The following ATP8A1 variants were observed in gnomAD, a reference collection of about 807,000 sequenced individuals.
ATP8A1 encodes ATPase phospholipid transporting 8A1, also known as phospholipid-transporting ATPase IA.
Under a neutral mutation model 177.7 loss-of-function variants are expected in ATP8A1, and 90 were observed. The ratio of observed to expected loss-of-function variants is 0.51; its 90% CI spans 0.43 to 0.60. The LOEUF is 0.60. Among genes scored for constraint, ATP8A1 ranks in the 20% least tolerant of loss-of-function variants. The pLI, the probability that ATP8A1 is intolerant of heterozygous loss-of-function variation, is 0.00. For missense variants in ATP8A1, 1,072 were observed against 1,392.8 expected (o/e 0.77, Z 3.67); for synonymous variants, 493 against 485.9 (o/e 1.01, Z -0.19).
Position 42,625,513 on chromosome 4 carries a change from A to G in ATP8A1, c.264+101T>C, listed in dbSNP as rs576191136. 22 of 700,348 alleles carry G rather than the reference A, an allele frequency of 3.1e-5. No homozygotes were observed. In the Middle Eastern group the frequency reaches 7.5e-4, roughly 24 times the overall value. The allele number at this position is 700,348 out of a possible 1,614,324, so 43.4% of individuals were successfully genotyped here. A position where few individuals can be genotyped will look rare whatever the true frequency, so the allele number is the denominator to read the frequency against. On this transcript the variant is annotated intron_variant, in intron 3 of 36. Transcript: ENST00000381668. ...GGAGCCAGAAATGTCCACCAAAACC[A>G]GCTTATCTCTCGGCATTTACATAAA...
chr4:42,649,162 A>T (rs1340836027), intron 1 of ATP8A1, among the ~76,000 whole-genome samples: 1 of 152,234 alleles, frequency 6.6e-6, no homozygotes, highest in Non-Finnish European at 1.5e-5. Context: ...GTTCTTTAGT[A>T]AGTTATTCTG....
At chr4:42,419,775 G>A (rs548680436) in intron 35 of ATP8A1, among the ~76,000 whole-genome samples, 56 of 152,232 alleles carry the variant, frequency 3.7e-4, no homozygotes, top group Admixed American at 2.9e-3. Flanking sequence ...AGGCTGAGGC[G>A]GGTGGATCAC....
rs79860206 is a variant in ATP8A1 at position 42,584,014 on chromosome 4, A to G, written c.723-2282T>C. On this transcript the variant is annotated intron_variant, in intron 9 of 36. Coordinates refer to ENST00000381668, the MANE Select transcript of ATP8A1 (RefSeq NM_006095.2). ...ATCACTCTGTGAAAATTTTAGAACA[A>G]CATATAATTACTTCACGGATTACAG... Among the ~76,000 whole-genome samples, 1,287 of 152,356 alleles carry G rather than the reference A, an allele frequency of 8.4e-3. 9 individuals are homozygous for G. Among genetic ancestry groups the G allele is most frequent in the Middle Eastern group, 0.02 (6 of 294 alleles).
intron 24 of ATP8A1, among the ~76,000 whole-genome samples, chr4:42,487,096 C>T (rs1260164862): frequency 6.6e-6 from 1 of 152,170 alleles, no homozygotes; most frequent in Non-Finnish European, 1.5e-5. Flanking sequence ...CTTTTATGAA[C>T]TGGCTTTTGT....
intron 1 of ATP8A1, among the ~76,000 whole-genome samples, chr4:42,643,015 A>G (rs1740165185): frequency 1.3e-5 from 2 of 152,218 alleles, no homozygotes; most frequent in Non-Finnish European, 2.9e-5. Flanking sequence ...CATTTAATAT[A>G]TCCACTCTGG....
chr4:42,413,712 T>A (rs1024484223), intron 36 of ATP8A1, among the ~76,000 whole-genome samples: 1 of 151,922 alleles, frequency 6.6e-6, no homozygotes, highest in South Asian at 2.1e-4. Context: ...ATTTTGTGAA[T>A]TTTTTTTTCC....
At chr4:42,443,269 A>G (rs937639593) in intron 33 of ATP8A1, among the ~76,000 whole-genome samples, 1 of 152,232 alleles carries the variant, frequency 6.6e-6, no homozygotes, top group African/African-American at 2.4e-5. Context: ...GTAATTTTAA[A>G]ATGGCATCTT....
chr4:42,437,804 C>T (rs1359525129), intron 33 of ATP8A1, among the ~76,000 whole-genome samples: 3 of 152,146 alleles, frequency 2.0e-5, no homozygotes, highest in African/African-American at 4.8e-5. Context: ...AACCAACTCT[C>T]GGCTGGGTCT....
At chr4:42,495,044 G>A (rs1158465817) in intron 24 of ATP8A1, among the ~76,000 whole-genome samples, 2 of 152,114 alleles carry the variant, frequency 1.3e-5, no homozygotes, top group Non-Finnish European at 2.9e-5. Context: ...TCAAATAAGA[G>A]GATATATATA....
rs780233905 is a variant in ATP8A1, at chr4:42,627,153, C to T, written c.50-44G>A. 4 of 1,452,116 alleles carry T rather than the reference C, an allele frequency of 2.8e-6. No individual in the cohort carries two copies. The South Asian group carries it at 4.7e-5, about 17-fold the overall frequency. The allele number at this position is 1,452,116 out of a possible 1,614,324, so 90.0% of individuals were successfully genotyped here. A position where few individuals can be genotyped will look rare whatever the true frequency, so the allele number is the denominator to read the frequency against. On this transcript the variant is annotated intron_variant, in intron 1 of 36. Transcript: ENST00000381668. The stretch of plus-strand genomic sequence containing the variant: ...TATTGTACAAGAAATGTTTTATTGT[C>T]CAGACCAAAAACAGATTTCATAACT...
At position 42,562,364 on chromosome 4, in the gene ATP8A1, G is replaced by A. The variant is rs150101118; in HGVS notation, c.1341-6324C>T. On this transcript the variant is annotated intron_variant, in intron 15 of 36. Transcript: ENST00000381668. ...CATGCACTATAGCCTGTCTGCAGTG[G>A]GCACCCTGTGTGACCTTAGAGGCTC... 304 of 152,664 alleles carry A rather than the reference G, an allele frequency of 2.0e-3. 2 individuals carry two copies. Among genetic ancestry groups the A allele is most frequent in the Non-Finnish European group, 3.4e-3 (230 of 68,360 alleles). 9.5% of individuals were successfully genotyped at this position (152,664 alleles called of 1,614,324 possible).
At chr4:42,448,401 C>CTTTTTTTT (rs1226963744) in intron 30 of ATP8A1, among the ~76,000 whole-genome samples, 2 of 99,558 alleles carry the variant, frequency 2.0e-5, no homozygotes, top group African/African-American at 6.9e-5. Context: ...TCTTTCTTTT[C>CTTTTTTTT]TTTTTTTTTT....
At chr4:42,595,530 C>CAA (rs1281081011) in intron 6 of ATP8A1, among the ~76,000 whole-genome samples, 2 of 151,866 alleles carry the variant, frequency 1.3e-5, no homozygotes, top group Non-Finnish European at 2.9e-5. Flanking sequence ...CCCCCTACCT[C>CAA]AAAAAAGGGC....
chr4:42,420,368 G>A (rs1219653082), intron 35 of ATP8A1, among the ~76,000 whole-genome samples: 1 of 152,196 alleles, frequency 6.6e-6, no homozygotes, highest in Non-Finnish European at 1.5e-5. Flanking sequence ...GAGTTCTTAG[G>A]AAAAACTAAA....
intron 25 of ATP8A1, among the ~76,000 whole-genome samples, chr4:42,483,764 G>A (rs1394656914): frequency 1.3e-5 from 2 of 152,198 alleles, no homozygotes; most frequent in African/African-American, 4.8e-5. Context: ...CTTTAAGAAT[G>A]AGGCTCAGCT....
At chr4:42,518,633 C>T (rs1165446195) in intron 22 of ATP8A1, among the ~76,000 whole-genome samples, 4 of 152,152 alleles carry the variant, frequency 2.6e-5, no homozygotes, top group African/African-American at 4.8e-5. Context: ...GATGTGAAAA[C>T]GACCCTCACA....
chr4:42,603,448 TGGG>T (rs1227764357), intron 5 of ATP8A1, among the ~76,000 whole-genome samples: 1 of 152,208 alleles, frequency 6.6e-6, no homozygotes, highest in African/African-American at 2.4e-5. Flanking sequence ...CTTATTAGTT[TGGG>T]TATGGTTTTT....
rs759826300 is a variant in ATP8A1, at chr4:42,581,718, C to G, written c.737G>C (p.Gly246Ala). The change falls in exon 10 of 37, where the codon GGA becomes GCA. Residue 246 changes from glycine (G) to alanine (A), a missense_variant. Transcript: ENST00000381668. ...RLDGHGTVPLGADQILLRGAQ... is the reference protein window; with the variant it reads ...RLDGHGTVPLAADQILLRGAQ... ...TCCTCGAAGAAGAATCTGATCTGCT[C>G]CCAGTGGAACGGTGCTAGGACAGAT... 1 of 1,613,580 alleles carries G rather than the reference C, an allele frequency of 6.2e-7. No homozygotes were observed. The highest frequency in any genetic ancestry group is 8.5e-7 in the Non-Finnish European group (1 of 1,179,498).
At chr4:42,461,644 A>G (rs1719172322) in intron 27 of ATP8A1, among the ~76,000 whole-genome samples, 1 of 152,204 alleles carries the variant, frequency 6.6e-6, no homozygotes, top group Non-Finnish European at 1.5e-5. Context: ...CAGCAGCGTG[A>G]GAACAGACTA....
Sources: gnomAD v4.1 joint callset for allele counts (sites outside exome capture counted in the v4.1 genomes callset) on GRCh38, gnomAD v4.1.1 for gene constraint, MANE v1.5 for transcripts, NCBI Gene and HGNC (gene_info 2026-07-23, HGNC 2026-07-21) for gene names.